CPXM2: variants seen among roughly 807,000 people sequenced by gnomAD.
CPXM2 encodes carboxypeptidase X, M14 family member 2, also known as inactive carboxypeptidase-like protein X2.
Under a neutral mutation model 86.1 loss-of-function variants are expected in CPXM2, and 66 were observed. The observed-to-expected ratio is 0.77, with a 90% CI of 0.63 to 0.94. The LOEUF (loss-of-function observed/expected upper bound fraction) is 0.94, where lower values mean the gene tolerates loss of function less well. Ranked by LOEUF, CPXM2 falls within the 40% of genes least tolerant of loss-of-function variation. CPXM2 has a pLI of 0.00. For synonymous variants in CPXM2, 388 were observed against 400.2 expected (o/e 0.97, Z 0.36); for missense variants, 948 against 1,026.3 (o/e 0.92, Z 1.04).
chr10:123,932,720 G>A (rs553953431), intron 2 of CPXM2, among the ~76,000 whole-genome samples: 8 of 152,192 alleles, frequency 5.3e-5, no homozygotes, highest in Non-Finnish European at 1.2e-4. Context: ...AGCCTACTGC[G>A]GAAGGAGGGT....
At position 123,780,231 on chromosome 10, in the gene CPXM2, C is replaced by T. The variant is rs370358833; in HGVS notation, c.914G>A (p.Arg305Gln). The stretch of plus-strand genomic sequence containing the variant: ...GTCATCAGTGGTGGTCATCTCGTTC[C>T]GGCGGTGATAATAATTATTAGGATC... ...LPDPNNYYHR[R>Q]NEMTTTDDLD... is the part of the protein sequence containing the mutation. The change falls in exon 7 of 14, where the codon CGG (arginine) becomes CAG (glutamine). Residue 305 changes from arginine to glutamine, a missense_variant. Arg to Gln is a conservative substitution (Grantham distance 43). Transcript: ENST00000241305. 58 of 1,608,798 alleles carry T rather than the reference C, an allele frequency of 3.6e-5. No homozygotes were observed. Among genetic ancestry groups the T allele is most frequent in the South Asian group, 1.8e-4 (16 of 90,976 alleles).
intron 7 of CPXM2, among the ~76,000 whole-genome samples, chr10:123,775,106 C>A (rs1380465938): frequency 2.0e-5 from 3 of 152,188 alleles, no homozygotes; most frequent in Admixed American, 2.0e-4. Context: ...GAAGCCAGGA[C>A]TTTGGCCTTT....
chr10:123,785,162 C>T (rs559270166), intron 6 of CPXM2, among the ~76,000 whole-genome samples: 1 of 152,222 alleles, frequency 6.6e-6, no homozygotes, highest in East Asian at 1.9e-4. Flanking sequence ...TCATTCTTTC[C>T]TTGCTTTGTT....
intron 1 of CPXM2, among the ~76,000 whole-genome samples, chr10:123,884,362 A>T (rs1046661360): frequency 6.6e-6 from 1 of 152,232 alleles, no homozygotes; most frequent in African/African-American, 2.4e-5. Flanking sequence ...GAGCCGGGAG[A>T]ACTTCACAGG....
chr10:123,749,362 C>A (rs1190527268), intron 13 of CPXM2, among the ~76,000 whole-genome samples: 1 of 152,156 alleles, frequency 6.6e-6, no homozygotes, highest in Non-Finnish European at 1.5e-5. Context: ...TAATGGTTAT[C>A]AGCATAACTG....
At chr10:123,843,120 CTTT>C (rs765282267) in intron 3 of CPXM2, 29 of 276,432 alleles carry the variant, frequency 1.0e-4, no homozygotes, top group Non-Finnish European at 1.5e-4. Context: ...ACCAAAAATT[CTTT>C]TTTTTTTTTT....
chr10:123,777,084 T>C (rs1199611476), intron 7 of CPXM2: 1 of 152,292 alleles, frequency 6.6e-6, no homozygotes, highest in East Asian at 1.9e-4. Flanking sequence ...AAAGGCTTGC[T>C]GCTCCGCCCT....
At chr10:123,853,107 A>G (rs537237886) in intron 3 of CPXM2, among the ~76,000 whole-genome samples, 74 of 151,902 alleles carry the variant, frequency 4.9e-4, no homozygotes, top group African/African-American at 1.7e-3. Flanking sequence ...TTCTCATGAG[A>G]TCTAGTTGTT....
At chr10:123,812,438 A>C (rs563656819) in intron 4 of CPXM2, among the ~76,000 whole-genome samples, 23 of 152,298 alleles carry the variant, frequency 1.5e-4, no homozygotes, top group African/African-American at 5.5e-4. Flanking sequence ...TAAAGGTAGG[A>C]GATTAATTGG....
intron 1 of CPXM2, among the ~76,000 whole-genome samples, chr10:123,887,434 A>G (rs1003478737): frequency 6.6e-6 from 1 of 152,226 alleles, no homozygotes; most frequent in Non-Finnish European, 1.5e-5. Flanking sequence ...TACAGAGAAC[A>G]TGCCTACAAA....
At position 123,746,681 on chromosome 10, in the gene CPXM2, C is replaced by A; in HGVS notation, c.*83G>T. 1 of 1,316,416 alleles carries A rather than the reference C, an allele frequency of 7.6e-7. No homozygotes were observed. The allele number at this position is 1,316,416 out of a possible 1,614,324, so 81.5% of individuals were successfully genotyped here. A position where few individuals can be genotyped will look rare whatever the true frequency, so the allele number is the denominator to read the frequency against. On this transcript the variant is annotated 3_prime_UTR_variant, in exon 14 of 14. Transcript: ENST00000241305. ...ACTTCTTGAATTACAGAGGAAACAA[C>A]AGTGAGTGAGTCCACTATGGAGCTA...
intron 6 of CPXM2, among the ~76,000 whole-genome samples, chr10:123,792,503 C>T (rs1847227699): frequency 6.6e-6 from 1 of 152,146 alleles, no homozygotes; most frequent in South Asian, 2.1e-4. Flanking sequence ...CCGCCCACCA[C>T]CCTAACCCAG....
At chr10:123,757,405 G>C (rs1846240490) in intron 11 of CPXM2, 53 bp from the exon 12 acceptor site, 5 of 1,506,928 alleles carry the variant, frequency 3.3e-6, no homozygotes, top group African/African-American at 1.4e-5. Flanking sequence ...AAATGGCACT[G>C]GGGAATGCGG....
chr10:123,866,377 G>A lies in CPXM2; in HGVS notation c.404-3654C>T, dbSNP rs1018264466. ...TCAGGATTTCGAGACCAGCCTGGCCGATATGGTGAAACCCCATCTCTACTA... is the reference window on the plus strand; with the variant it reads ...TCAGGATTTCGAGACCAGCCTGGCCAATATGGTGAAACCCCATCTCTACTA... On this transcript the variant is annotated intron_variant, in intron 2 of 13. Transcript: ENST00000241305. Among the ~76,000 whole-genome samples, 14 of 145,082 alleles carry A rather than the reference G, an allele frequency of 9.6e-5. No individual in the cohort carries two copies. The South Asian group carries it at 1.3e-3, about 14-fold the overall frequency.
intron 13 of CPXM2, chr10:123,752,387 A>G: frequency 1.0e-6 from 1 of 985,040 alleles, no homozygotes; most frequent in Non-Finnish European, 1.2e-6. Context: ...TATTGAGCAA[A>G]GAAATCAGTA....
At chr10:123,897,448 A>G (rs1316944564) in intron 2 of CPXM2, among the ~76,000 whole-genome samples, 1 of 152,074 alleles carries the variant, frequency 6.6e-6, no homozygotes, top group East Asian at 1.9e-4. Flanking sequence ...TGAACCCCCA[A>G]CTGTTTCACT....
chr10:123,826,986 G>A (rs74162945), intron 4 of CPXM2, among the ~76,000 whole-genome samples: 6,902 of 152,224 alleles, frequency 0.045, 521 homozygotes, highest in African/African-American at 0.16. Flanking sequence ...TCATTAGTAT[G>A]AAGGAAACTA....
rs74984081 is a variant in CPXM2, at chr10:123,754,946, A to G, written c.1918-184T>C. Among the ~76,000 whole-genome samples, 3,358 of 152,334 alleles carry G rather than the reference A, an allele frequency of 0.022. 121 individuals carry two copies. Among genetic ancestry groups the G allele is most frequent in the African/African-American group, 0.077 (3,209 of 41,570 alleles). ...ATTGCTCACTGCATTGTTGGGTTCA[A>G]TTAACAAGGGCGAGGTCTTAATGTA... On this transcript the variant is annotated intron_variant, in intron 12 of 13. Transcript: ENST00000241305. The surrounding 1 kb of genome is among the most constrained non-coding windows in gnomAD (Gnocchi z 4.0).
intron 4 of CPXM2, among the ~76,000 whole-genome samples, chr10:123,824,585 G>A (rs138242585): frequency 6.6e-6 from 1 of 152,278 alleles, no homozygotes; most frequent in African/African-American, 2.4e-5. Context: ...CTGAGAGCAA[G>A]CAGGGAGATT....
Sources: allele counts gnomAD v4.1 joint callset (sites outside exome capture counted in the v4.1 genomes callset), GRCh38; gene constraint gnomAD v4.1.1; non-coding constraint Gnocchi (gnomAD v3.1); transcripts MANE v1.5; gene names NCBI Gene and HGNC (gene_info 2026-07-23, HGNC 2026-07-21).